ADAMTSL3: variants seen among roughly 807,000 people sequenced by gnomAD.
The protein encoded by ADAMTSL3 is ADAMTS-like protein 3.
Under a neutral mutation model 201.7 loss-of-function variants are expected in ADAMTSL3, and 128 were observed. The observed-to-expected ratio is 0.63, with a 90% CI of 0.55 to 0.73. The LOEUF is 0.73. Ranked by LOEUF, ADAMTSL3 falls within the 30% of genes least tolerant of loss-of-function variation. The pLI, the probability that ADAMTSL3 is intolerant of heterozygous loss-of-function variation, is 0.00. For missense variants in ADAMTSL3, 1,990 were observed against 2,119.6 expected (o/e 0.94, Z 1.20); for synonymous variants, 738 against 748.4 (o/e 0.99, Z 0.23).
intron 28 of ADAMTSL3, 82 bp downstream of exon 28, chr15:84,031,514 C>A: frequency 7.9e-7 from 1 of 1,269,738 alleles, no homozygotes; most frequent in Non-Finnish European, 1.1e-6. Flanking sequence ...AAATGGAATC[C>A]TTTCTAGTTT....
chr15:83,709,877 G>A (rs955543565), intron 3 of ADAMTSL3, among the ~76,000 whole-genome samples: 31 of 152,102 alleles, frequency 2.0e-4, no homozygotes, highest in African/African-American at 6.3e-4. Context: ...GGCAGCCATC[G>A]TAGGATAAAG....
intron 2 of ADAMTSL3, among the ~76,000 whole-genome samples, chr15:83,674,752 TACAC>T (rs372797971): frequency 6.9e-4 from 79 of 114,182 alleles, no homozygotes; most frequent in Middle Eastern, 4.9e-3. Flanking sequence ...TATACATATA[TACAC>T]ACATATATAC....
chr15:83,834,303 T>C (rs879613288), intron 6 of ADAMTSL3, among the ~76,000 whole-genome samples: 3 of 152,202 alleles, frequency 2.0e-5, no homozygotes, highest in Admixed American at 2.0e-4. Context: ...AGTTAGTTAA[T>C]GACCACACCT....
intron 23 of ADAMTSL3, among the ~76,000 whole-genome samples, chr15:83,993,737 T>C (rs964828765): frequency 6.6e-6 from 1 of 152,220 alleles, no homozygotes; most frequent in Non-Finnish European, 1.5e-5. Flanking sequence ...TTGCGAGAGT[T>C]ATTTGCCTTG....
chr15:84,004,837 A>T (rs2067865205), intron 23 of ADAMTSL3, among the ~76,000 whole-genome samples: 1 of 151,518 alleles, frequency 6.6e-6, no homozygotes, highest in Non-Finnish European at 1.5e-5. Context: ...ATAGCAAATG[A>T]TCTGCAATGG....
chr15:83,659,828 G>A (rs899941989), intron 2 of ADAMTSL3, among the ~76,000 whole-genome samples: 3 of 152,186 alleles, frequency 2.0e-5, no homozygotes, highest in African/African-American at 7.2e-5. Context: ...CTGGGAGAAT[G>A]TAGCCAGGAG....
chr15:83,882,456 AGC>A lies in ADAMTSL3; in HGVS notation c.961-2644_961-2643del, dbSNP rs577587344. On this transcript the variant is annotated intron_variant, in intron 9 of 29. Transcript: ENST00000286744. ...CAGTCCTTGTTTAGATTCTCTCATA[AGC>A]TTTACTGATTTATTTAATCATTATT... Among the ~76,000 whole-genome samples, 105 of 152,300 alleles carry A rather than the reference AGC, an allele frequency of 6.9e-4. 1 individual carries two copies. The East Asian group carries it at 0.02, about 29-fold the overall frequency.
At chr15:83,932,822 A>T (rs2066386322) in intron 17 of ADAMTSL3, among the ~76,000 whole-genome samples, 1 of 152,266 alleles carries the variant, frequency 6.6e-6, no homozygotes, top group African/African-American at 2.4e-5. Context: ...TTAAAAACAC[A>T]TGAAGAAACA....
chr15:83,754,686 A>G (rs1176387403), intron 3 of ADAMTSL3, among the ~76,000 whole-genome samples: 1 of 152,210 alleles, frequency 6.6e-6, no homozygotes, highest in Non-Finnish European at 1.5e-5. Flanking sequence ...ACATAGGGCT[A>G]TAGAAATGCC....
In ADAMTSL3 at chr15:83,664,070, T is replaced by C. The variant is rs573902729; in HGVS notation, c.69+8240T>C. On this transcript the variant is annotated intron_variant, in intron 2 of 29. Coordinates refer to ENST00000286744, the MANE Select transcript of ADAMTSL3 (RefSeq NM_207517.3). ...TCCAGAGGCTCCTGCCTGGGGGTTA[T>C]CAGGTGGAGACCCAGGTCTCATGAC... 9.8e-5 allele frequency among the ~76,000 whole-genome samples: 15 copies of C among 152,308 alleles called. No individual in the cohort carries two copies. In the South Asian group the frequency reaches 3.1e-3, roughly 32 times the overall value.
In ADAMTSL3 at chr15:83,885,266, G is replaced by C. The variant is rs8028931; in HGVS notation, c.1072+54G>C. On this transcript the variant is annotated intron_variant, in intron 10 of 29. Coordinates refer to ENST00000286744, the MANE Select transcript of ADAMTSL3 (RefSeq NM_207517.3). ...TTAGAGCTCAGAGTTAGATAAATTAGACATTTACATTTTTGAAGCTGATTT... is the reference window on the plus strand; with the variant it reads ...TTAGAGCTCAGAGTTAGATAAATTACACATTTACATTTTTGAAGCTGATTT... 0.8 allele frequency: 1,089,203 copies of C among 1,364,312 alleles called. 437,062 individuals carry two copies. The highest frequency in any genetic ancestry group is 0.94 in the African/African-American group (65,634 of 69,808). 84.5% of individuals were successfully genotyped at this position (1,364,312 alleles called of 1,614,324 possible). A position where few individuals can be genotyped will look rare whatever the true frequency, so the allele number is the denominator to read the frequency against.
intron 20 of ADAMTSL3, among the ~76,000 whole-genome samples, chr15:83,976,280 A>G (rs566122266): frequency 2.0e-5 from 3 of 152,182 alleles, no homozygotes; most frequent in African/African-American, 7.2e-5. Context: ...AATAGTTGCT[A>G]GCAGTCTCAT....
intron 25 of ADAMTSL3, among the ~76,000 whole-genome samples, chr15:84,019,810 T>G (rs2068163262): frequency 6.7e-6 from 1 of 148,608 alleles, no homozygotes; most frequent in East Asian, 2.0e-4. Context: ...GAGAATCGCT[T>G]GAACCTGGGG....
At position 84,007,740 on chromosome 15, in the gene ADAMTSL3, T is replaced by A. The variant is rs187494433; in HGVS notation, c.3974-6802T>A. ...GATTCTAAGCAAAGGAGTGTCATGA[T>A]CTGAGCTACCTTTTAGAAGAAATAC... On this transcript the variant is annotated intron_variant, in intron 23 of 29. Coordinates refer to ENST00000286744, the MANE Select transcript of ADAMTSL3 (RefSeq NM_207517.3). Among the ~76,000 whole-genome samples, 526 of 152,298 alleles carry A rather than the reference T, an allele frequency of 3.5e-3. 3 individuals carry two copies. Among genetic ancestry groups the A allele is most frequent in the Middle Eastern group, 6.8e-3 (2 of 294 alleles).
chr15:83,771,167 C>CTTTTTTTTTTTTTTTTTTTTT (rs10572931), intron 3 of ADAMTSL3, among the ~76,000 whole-genome samples: 1 of 134,350 alleles, frequency 7.4e-6, no homozygotes, highest in African/African-American at 2.8e-5. Context: ...TTTCTGGACT[C>CTTTTTTTTTTTTTTTTTTTTT]TTTTTTTTTT....
intron 2 of ADAMTSL3, among the ~76,000 whole-genome samples, chr15:83,659,285 C>T (rs2061132634): frequency 6.6e-6 from 1 of 152,196 alleles, no homozygotes; most frequent in Non-Finnish European, 1.5e-5. Context: ...TCTTATAAGT[C>T]TGTGGTGACC....
At chr15:83,750,311 A>G (rs2062618795) in intron 3 of ADAMTSL3, among the ~76,000 whole-genome samples, 1 of 152,232 alleles carries the variant, frequency 6.6e-6, no homozygotes, top group Non-Finnish European at 1.5e-5. Flanking sequence ...CTTAAATAAT[A>G]ATGAAAACGG....
intron 17 of ADAMTSL3, among the ~76,000 whole-genome samples, chr15:83,935,067 G>T (rs2066438421): frequency 6.6e-6 from 1 of 152,174 alleles, no homozygotes; most frequent in African/African-American, 2.4e-5. Context: ...TAAAGAATGA[G>T]AAATTACCTA....
At chr15:83,804,573 C>CTTTTTTTTTTTTTTTTTTTT (rs59422343) in intron 4 of ADAMTSL3, 77 bp from the exon 5 acceptor site, 1 of 590,784 alleles carries the variant, frequency 1.7e-6, no homozygotes. Context: ...CTTGTATTTG[C>CTTTTTTTTTTTTTTTTTTTT]TTTTTTTTTT....
Sources: gnomAD v4.1 joint callset for allele counts (sites outside exome capture counted in the v4.1 genomes callset) on GRCh38, gnomAD v4.1.1 for gene constraint, MANE v1.5 for transcripts, NCBI Gene and HGNC (gene_info 2026-07-23, HGNC 2026-07-21) for gene names.